GLS: variants seen among roughly 807,000 people sequenced by gnomAD.
The protein encoded by GLS is glutaminase kidney isoform, mitochondrial.
GLS carries 36 observed loss-of-function variants against 86.7 expected under a neutral mutation model. The ratio of observed to expected loss-of-function variants is 0.42; its 90% CI spans 0.32 to 0.55. GLS has a LOEUF of 0.55. GLS is among the 20% of genes least tolerant of loss of function. The pLI is 0.17. For missense variants in GLS, 528 were observed against 833.4 expected (o/e 0.63, Z 4.51); for synonymous variants, 317 against 305.9 (o/e 1.04, Z -0.38).
At chr2:190,892,303 A>G (rs1688593227) in intron 1 of GLS, among the ~76,000 whole-genome samples, 1 of 152,184 alleles carries the variant, frequency 6.6e-6, no homozygotes, top group African/African-American at 2.4e-5. Flanking sequence ...AGAAGAAGTA[A>G]AAAGGTGAGA....
In GLS at chr2:190,897,067, C is replaced by T. The variant is rs966226916; in HGVS notation, c.605+1342C>T. 2.0e-5 allele frequency among the ~76,000 whole-genome samples: 3 copies of T among 151,712 alleles called. No individual in the cohort carries two copies. Among genetic ancestry groups the T allele is most frequent in the East Asian group, 3.9e-4 (2 of 5,172 alleles). On this transcript the variant is annotated intron_variant, in intron 3 of 17. Coordinates refer to ENST00000320717, the MANE Select transcript of GLS (RefSeq NM_014905.5). This position sits in a 1 kb window ranked among gnomAD's most constrained non-coding sequence, Gnocchi z 4.3. ...TTTAAGAGACAGAGTCTCATTCTGT[C>T]GCCCAGGCTGGAGTGTAGTGACATG...
intron 7 of GLS, chr2:190,919,611 T>C (rs1689668769): frequency 3.3e-6 from 2 of 602,690 alleles, no homozygotes; most frequent in Non-Finnish European, 4.2e-6. Context: ...GTTTAAATGT[T>C]GTTACATATT....
At chr2:190,950,663 G>T (rs1690696907) in intron 14 of GLS, among the ~76,000 whole-genome samples, 1 of 152,210 alleles carries the variant, frequency 6.6e-6, no homozygotes, top group Non-Finnish European at 1.5e-5. Context: ...GGACACCTTG[G>T]TGGGAAGAGC....
chr2:190,921,268 C>T lies in GLS; in HGVS notation c.1130+65C>T, dbSNP rs1213958288. On this transcript the variant is annotated intron_variant, in intron 9 of 17. Transcript: ENST00000320717. This position sits in a 1 kb window ranked among gnomAD's most constrained non-coding sequence, Gnocchi z 4.2. Reference sequence around the variant, plus strand: ...CAACTGTATTTAGAATTGATCCACTCTCTTTTCATTGGAGGGAAATGAATG... The same window carrying T: ...CAACTGTATTTAGAATTGATCCACTTTCTTTTCATTGGAGGGAAATGAATG... 1 of 1,029,796 alleles carries T rather than the reference C, an allele frequency of 9.7e-7. No individual in the cohort carries two copies. Among genetic ancestry groups the T allele is most frequent in the Non-Finnish European group, 1.5e-6 (1 of 652,260 alleles). 63.8% of individuals were successfully genotyped at this position (1,029,796 alleles called of 1,614,324 possible).
rs1206994437 is a variant in GLS, at chr2:190,895,096, A to G, written c.387-56A>G. ...GTTATTTAACAATGGATTTAGTTAA[A>G]AATCCAGTAGAATGTTCATACAAGG... On this transcript the variant is annotated intron_variant, in intron 1 of 17. Transcript: ENST00000320717. This position sits in a 1 kb window ranked among gnomAD's most constrained non-coding sequence, Gnocchi z 4.2. 1 of 768,628 alleles carries G rather than the reference A, an allele frequency of 1.3e-6. No homozygotes were observed. 47.6% of individuals were successfully genotyped at this position (768,628 alleles called of 1,614,324 possible). A position where few individuals can be genotyped will look rare whatever the true frequency, so the allele number is the denominator to read the frequency against.
intron 17 of GLS, among the ~76,000 whole-genome samples, chr2:190,961,687 C>CGTTTT (rs1172048241): frequency 9.9e-4 from 61 of 61,818 alleles, no homozygotes; most frequent in African/African-American, 3.2e-3. Context: ...CTTAATTCAG[C>CGTTTT]TGTTTTTTTT....
chr2:190,911,616 G>T (rs1346654522), intron 7 of GLS, among the ~76,000 whole-genome samples: 8 of 151,988 alleles, frequency 5.3e-5, no homozygotes, highest in Non-Finnish European at 7.4e-5. Flanking sequence ...AAGTAAATGG[G>T]TCCTTATAAG....
chr2:190,906,811 T>C (rs983784820), intron 6 of GLS, among the ~76,000 whole-genome samples: 2 of 152,158 alleles, frequency 1.3e-5, no homozygotes, highest in African/African-American at 4.8e-5. Flanking sequence ...TATGTATATA[T>C]GTGTGTATCT....
rs916475019 is a variant in GLS, at chr2:190,920,304, A to G, written c.1039-720A>G. 2 of 151,922 alleles carry G rather than the reference A, an allele frequency of 1.3e-5. No homozygotes were observed. Among genetic ancestry groups the G allele is most frequent in the African/African-American group, 4.8e-5 (2 of 41,436 alleles). The allele number at this position is 151,922 out of a possible 1,614,324, so 9.4% of individuals were successfully genotyped here. On this transcript the variant is annotated intron_variant, in intron 7 of 17. Coordinates refer to ENST00000320717, the MANE Select transcript of GLS (RefSeq NM_014905.5). This position sits in a 1 kb window ranked among gnomAD's most constrained non-coding sequence, Gnocchi z 4.2. ...GATCTACATTACATAGATTTTTCCT[A>G]TTGACATTTGCAGTAGATAACATGT...
chr2:190,960,215 T>C, intron 17 of GLS, among the ~76,000 whole-genome samples: 1 of 151,978 alleles, frequency 6.6e-6, no homozygotes, highest in East Asian at 1.9e-4. Flanking sequence ...AGAATAAAAG[T>C]TTAGAATGGG....
Position 190,953,773 on chromosome 2 carries a change from C to A in GLS, c.1712+147C>A. The stretch of plus-strand genomic sequence containing the variant: ...AAAATTTTTATTAAATAGGCACTTC[C>A]AGTGCCTTAGGCCTGCTTTCCAATC... On this transcript the variant is annotated intron_variant, in intron 15 of 17. Transcript: ENST00000320717. The surrounding 1 kb of genome is among the most constrained non-coding windows in gnomAD (Gnocchi z 4.0). 1.6e-6 allele frequency: 1 copy of A among 634,884 alleles called. No individual in the cohort carries two copies. Among genetic ancestry groups the A allele is most frequent in the East Asian group, 2.6e-5 (1 of 38,518 alleles). 39.3% of individuals were successfully genotyped at this position (634,884 alleles called of 1,614,324 possible).
chr2:190,911,274 A>G (rs561229985), intron 7 of GLS, among the ~76,000 whole-genome samples: 1 of 152,136 alleles, frequency 6.6e-6, no homozygotes, highest in South Asian at 2.1e-4. Flanking sequence ...CCAGTTCACA[A>G]AATTTCATCT....
intron 14 of GLS, among the ~76,000 whole-genome samples, chr2:190,950,192 A>G (rs894337371): frequency 1.3e-5 from 2 of 152,090 alleles, no homozygotes; most frequent in African/African-American, 2.4e-5. Context: ...GACCAGCCAG[A>G]TGTTCTGAAT....
intron 1 of GLS, among the ~76,000 whole-genome samples, chr2:190,882,814 C>T (rs1045051782): frequency 6.6e-5 from 10 of 152,188 alleles, no homozygotes; most frequent in Non-Finnish European, 1.2e-4. Flanking sequence ...TGACTTAAAT[C>T]CTTTCAAGTT....
chr2:190,906,170 A>G (rs138930943), intron 6 of GLS, among the ~76,000 whole-genome samples: 202 of 152,106 alleles, frequency 1.3e-3, no homozygotes, highest in African/African-American at 3.9e-3. Flanking sequence ...CATCATATGC[A>G]GAAGCACTTT....
At position 190,935,210 on chromosome 2, in the gene GLS, GC is replaced by G. The variant is rs1381331717; in HGVS notation, c.1650+3574del. On this transcript the variant is annotated intron_variant, in intron 14 of 17. Transcript: ENST00000320717. This position sits in a 1 kb window ranked among gnomAD's most constrained non-coding sequence, Gnocchi z 4.2. ...CATTTGTGTTGTTTAGCTTTCATTT[GC>G]TTTGTATATTTAATAATGTACCTTT... 2 of 854,380 alleles carry G rather than the reference GC, an allele frequency of 2.3e-6. No individual in the cohort carries two copies. The highest frequency in any genetic ancestry group is 2.8e-6 in the Non-Finnish European group (2 of 710,990). 52.9% of individuals were successfully genotyped at this position (854,380 alleles called of 1,614,324 possible).
At position 190,895,721 on chromosome 2, in the gene GLS, A is replaced by T; in HGVS notation, c.601A>T (p.Lys201Ter). The T allele has an allele frequency of 6.4e-7, 1 of 1,570,014 alleles. No individual in the cohort carries two copies. The highest frequency in any genetic ancestry group is 8.7e-7 in the Non-Finnish European group (1 of 1,151,184). The change falls in exon 3 of 18, where the codon AAA (lysine) becomes TAA (stop). Residue 201 changes from lysine (K) to a stop codon, truncating the protein, a stop_gained. Coordinates refer to ENST00000320717, the MANE Select transcript of GLS (RefSeq NM_014905.5). LOFTEE classifies it high-confidence loss of function. This position sits in a 1 kb window ranked among gnomAD's most constrained non-coding sequence, Gnocchi z 4.2. ...DGVMLDKDLF[K>*]KCVQSNIVLL... The stretch of plus-strand genomic sequence containing the variant: ...TGTCATGCTAGACAAAGATCTTTTT[A>T]AAAAGTAAAAGTTTCTGCCAAACCT...
Position 190,953,947 on chromosome 2 carries a change from GAT to G in GLS, c.1712+324_1712+325del, listed in dbSNP as rs1478897548. Among the ~76,000 whole-genome samples the G allele has an allele frequency of 2.0e-4, 23 of 117,710 alleles. No homozygotes were observed. In the South Asian group the frequency reaches 2.2e-3, roughly 11 times the overall value. 77.2% of individuals were successfully genotyped at this position (117,710 alleles called of 152,430 possible). Reference sequence around the variant, plus strand: ...TGTCTACCCTCCATTCCCAATCTTTGATATGTGTGTGTGTGTGTGTGTGTGTG... The same window carrying G: ...TGTCTACCCTCCATTCCCAATCTTTGATGTGTGTGTGTGTGTGTGTGTGTG... On this transcript the variant is annotated intron_variant, in intron 15 of 17. Coordinates refer to ENST00000320717, the MANE Select transcript of GLS (RefSeq NM_014905.5). This position sits in a 1 kb window ranked among gnomAD's most constrained non-coding sequence, Gnocchi z 4.0.
chr2:190,930,493 T>C lies in GLS; in HGVS notation c.1482T>C (p.Asn494=), dbSNP rs3207595. The part of the protein sequence containing the change: ...VAGGILLVVP[N]VMGMMCWSPP... ...GGGGCATTCTTTTAGTTGTCCCCAA[T>C]GTTATGGGTATGATGTGCTGGTCTC... The change falls in exon 13 of 18, where the codon AAT becomes AAC. Residue 494 remains asparagine (N), a synonymous_variant. Coordinates refer to ENST00000320717, the MANE Select transcript of GLS (RefSeq NM_014905.5). This position sits in a 1 kb window ranked among gnomAD's most constrained non-coding sequence, Gnocchi z 5.0. The C allele has an allele frequency of 6.2e-7, 1 of 1,610,944 alleles. No individual in the cohort carries two copies. The highest frequency in any genetic ancestry group is 8.5e-7 in the Non-Finnish European group (1 of 1,177,218).
Sources: allele counts gnomAD v4.1 joint callset (sites outside exome capture counted in the v4.1 genomes callset), GRCh38; gene constraint gnomAD v4.1.1; non-coding constraint Gnocchi (gnomAD v3.1); transcripts MANE v1.5; gene names NCBI Gene and HGNC (gene_info 2026-07-23, HGNC 2026-07-21).